GPD2: variants seen among roughly 807,000 people sequenced by gnomAD.
GPD2 encodes the protein glycerol-3-phosphate dehydrogenase, mitochondrial.
Under a neutral mutation model 82.4 loss-of-function variants are expected in GPD2, and 54 were observed. The ratio of observed to expected loss-of-function variants is 0.66; its 90% confidence interval spans 0.53 to 0.82. The LOEUF is 0.82. Among genes scored for constraint, GPD2 ranks in the 40% least tolerant of loss-of-function variants. The probability of loss-of-function intolerance (pLI) is 0.00; values close to 1 mark genes in which losing one functional copy is unlikely to be tolerated. For synonymous variants in GPD2, 288 were observed against 306.1 expected (o/e 0.94, Z 0.62); for missense variants, 748 against 896.2 (o/e 0.83, Z 2.11).
intron 3 of GPD2, among the ~76,000 whole-genome samples, chr2:156,505,850 A>G (rs1684768950): frequency 6.6e-6 from 1 of 152,230 alleles, no homozygotes. Context: ...CTTGCTTTAT[A>G]CTTAACATAC....
chr2:156,541,323 G>C (rs1686302225), intron 6 of GPD2, among the ~76,000 whole-genome samples: 1 of 152,148 alleles, frequency 6.6e-6, no homozygotes, highest in Non-Finnish European at 1.5e-5. Flanking sequence ...AACTGCAGAG[G>C]AAGAAGAAAG....
intron 2 of GPD2, among the ~76,000 whole-genome samples, chr2:156,489,732 C>A: frequency 8.0e-6 from 1 of 124,314 alleles, no homozygotes; most frequent in African/African-American, 3.2e-5. Flanking sequence ...TCCTCCCTCC[C>A]TCCCTCCCTC....
chr2:156,495,703 T>C, intron 2 of GPD2: 1 of 399,980 alleles, frequency 2.5e-6, no homozygotes, highest in South Asian at 2.0e-5. Context: ...TAAAAAAATC[T>C]CCTTATGTTC....
chr2:156,474,032 T>G (rs140214882), intron 1 of GPD2, among the ~76,000 whole-genome samples: 47 of 152,260 alleles, frequency 3.1e-4, no homozygotes, highest in Middle Eastern at 3.4e-3. Flanking sequence ...CTAGTAAGAA[T>G]CATTAAAATT....
intron 6 of GPD2, among the ~76,000 whole-genome samples, chr2:156,533,827 G>GA (rs898161353): frequency 3.6e-4 from 55 of 152,338 alleles, no homozygotes; most frequent in African/African-American, 1.2e-3. Context: ...CCCCTTATGG[G>GA]AGGGGGAGCA....
chr2:156,505,042 C>G (rs969842669), intron 3 of GPD2, among the ~76,000 whole-genome samples: 1 of 151,992 alleles, frequency 6.6e-6, no homozygotes, highest in African/African-American at 2.4e-5. Flanking sequence ...TTAAAATATA[C>G]TTCTGTTCTA....
chr2:156,526,293 A>G (rs1685604268), intron 6 of GPD2, among the ~76,000 whole-genome samples: 1 of 152,194 alleles, frequency 6.6e-6, no homozygotes, highest in South Asian at 2.1e-4. Flanking sequence ...CAAAACAATG[A>G]CACATCCACT....
chr2:156,495,958 A>G (rs903017056), intron 2 of GPD2, 86 bp from the exon 3 acceptor site: 3 of 962,652 alleles, frequency 3.1e-6, no homozygotes, highest in Non-Finnish European at 4.9e-6. Flanking sequence ...CCTTATTTCT[A>G]TTAGAAATTT....
At chr2:156,557,130 TG>T (rs1686992669) in intron 8 of GPD2, among the ~76,000 whole-genome samples, 1 of 152,178 alleles carries the variant, frequency 6.6e-6, no homozygotes, top group African/African-American at 2.4e-5. Flanking sequence ...TAATTAGCCT[TG>T]CATTGTTGAA....
rs1049984813 is a variant in GPD2 at position 156,565,999 on chromosome 2, G to A, written c.1166-2826G>A. Among the ~76,000 whole-genome samples, 9 of 152,170 alleles carry A rather than the reference G, an allele frequency of 5.9e-5. No homozygotes were observed. The East Asian group carries it at 1.5e-3, about 26-fold the overall frequency. On this transcript the variant is annotated intron_variant, in intron 9 of 16. Coordinates refer to ENST00000438166, the MANE Select transcript of GPD2 (RefSeq NM_000408.5). ...ACTGTACAAAGGCACATGACCAAGG[G>A]TTGAGTGGAAACTGAAATCCAGCCC...
chr2:156,490,984 T>C (rs1439740910), intron 2 of GPD2, among the ~76,000 whole-genome samples: 2 of 81,964 alleles, frequency 2.4e-5, no homozygotes, highest in East Asian at 5.9e-4. Flanking sequence ...TTATAAAATT[T>C]ACCCTTTATA....
Position 156,573,770 on chromosome 2 carries a change from T to G in GPD2, c.1767+2478T>G, listed in dbSNP as rs554492919. On this transcript the variant is annotated intron_variant, in intron 13 of 16. Coordinates refer to ENST00000438166, the MANE Select transcript of GPD2 (RefSeq NM_000408.5). The stretch of plus-strand genomic sequence containing the variant: ...GAGATGTAGGAGTATTAATGAGAGC[T>G]GTGGACAGTCTAGAGAGAACAAAGG... 2.6e-5 allele frequency among the ~76,000 whole-genome samples: 4 copies of G among 152,272 alleles called. No individual in the cohort carries two copies. In the South Asian group the frequency reaches 8.3e-4, roughly 32 times the overall value.
At chr2:156,528,766 T>A (rs934295053) in intron 6 of GPD2, among the ~76,000 whole-genome samples, 1 of 151,968 alleles carries the variant, frequency 6.6e-6, no homozygotes, top group African/African-American at 2.4e-5. Context: ...AAGGACGTGA[T>A]CTCATCATTT....
At chr2:156,456,291 C>G (rs1005414684) in intron 1 of GPD2, among the ~76,000 whole-genome samples, 1 of 152,080 alleles carries the variant, frequency 6.6e-6, no homozygotes, top group Non-Finnish European at 1.5e-5. Context: ...AAGTCTAGTC[C>G]TTTAGGTTTC....
the GPD2 span, among the ~76,000 whole-genome samples, chr2:156,401,102 G>T: frequency 6.6e-6 from 1 of 152,142 alleles, no homozygotes; most frequent in Admixed American, 6.5e-5. Flanking sequence ...GAACTTTGAG[G>T]CTCCTGTGTA....
chr2:156,477,716 C>T (rs1218175652), intron 2 of GPD2, among the ~76,000 whole-genome samples: 2 of 152,142 alleles, frequency 1.3e-5, no homozygotes, highest in East Asian at 1.9e-4. Flanking sequence ...AGTTTTGATA[C>T]GTACAATGGT....
intron 6 of GPD2, among the ~76,000 whole-genome samples, chr2:156,531,449 G>T (rs572799536): frequency 6.6e-6 from 1 of 152,230 alleles, no homozygotes; most frequent in Non-Finnish European, 1.5e-5. Flanking sequence ...CTGCACATCA[G>T]CACTGGCCCT....
intron 16 of GPD2, among the ~76,000 whole-genome samples, chr2:156,581,375 G>A (rs2105382002): frequency 1.3e-5 from 2 of 152,092 alleles, no homozygotes; most frequent in Middle Eastern, 6.8e-3. Flanking sequence ...TGAGTTTTTA[G>A]AAGTTGGCAC....
the GPD2 span, among the ~76,000 whole-genome samples, chr2:156,415,502 A>T: frequency 6.6e-6 from 1 of 151,926 alleles, no homozygotes; most frequent in Non-Finnish European, 1.5e-5. Context: ...CTTAGCTCCC[A>T]CATATCAGTG....
Sources: allele counts gnomAD v4.1 joint callset (sites outside exome capture counted in the v4.1 genomes callset), GRCh38; gene constraint gnomAD v4.1.1; transcripts MANE v1.5; gene names NCBI Gene and HGNC (gene_info 2026-07-23, HGNC 2026-07-21).